The following SORCS1 variants were observed in gnomAD, a reference collection of about 807,000 sequenced individuals.
The protein encoded by SORCS1 is sortilin related VPS10 domain containing receptor 1, also known as VPS10 domain-containing receptor SorCS1.
A neutral mutation model predicts 146.1 loss-of-function variants in SORCS1; 60 were observed. The ratio of observed to expected loss-of-function variants is 0.41; its 90% CI spans 0.33 to 0.51. The LOEUF is 0.51. SORCS1 is among the 20% of genes least tolerant of loss of function. SORCS1 has a pLI of 0.21. For synonymous variants in SORCS1, 637 were observed against 584.0 expected (o/e 1.09, Z -1.31); for missense variants, 1,352 against 1,487.6 (o/e 0.91, Z 1.50).
intron 2 of SORCS1, among the ~76,000 whole-genome samples, chr10:106,858,525 G>A (rs1949878052): frequency 1.4e-5 from 2 of 146,048 alleles, no homozygotes; most frequent in African/African-American, 5.0e-5. Flanking sequence ...GGAGAATGGT[G>A]TGAACCCAGG....
At chr10:107,024,254 C>T (rs1330632868) in intron 1 of SORCS1, among the ~76,000 whole-genome samples, 3 of 151,658 alleles carry the variant, frequency 2.0e-5, no homozygotes, top group Non-Finnish European at 4.4e-5. Flanking sequence ...ATGGCACCAG[C>T]ACCTTCTTCT....
At chr10:106,838,544 G>A (rs1033291539) in intron 2 of SORCS1, among the ~76,000 whole-genome samples, 9 of 152,156 alleles carry the variant, frequency 5.9e-5, no homozygotes, top group African/African-American at 1.9e-4. Flanking sequence ...TGACATCATA[G>A]AGAATAGTTT....
intron 2 of SORCS1, among the ~76,000 whole-genome samples, chr10:106,942,060 T>C (rs1030900044): frequency 6.6e-6 from 1 of 152,152 alleles, no homozygotes; most frequent in Non-Finnish European, 1.5e-5. Context: ...AGCAGTGCCT[T>C]CTCCTAGAGA....
At chr10:106,617,125 T>C (rs1351715360) in intron 21 of SORCS1, among the ~76,000 whole-genome samples, 1 of 151,984 alleles carries the variant, frequency 6.6e-6, no homozygotes. Context: ...TGGCTAAATT[T>C]TATATTTTTA....
In SORCS1 at chr10:106,918,317, C is replaced by T. The variant is rs189953485; in HGVS notation, c.626+38196G>A. ...CTGGGAATACAGGTGCCTGCCACCA[C>T]GCCTGGCTAATTTTTTTGTATTTTT... On this transcript the variant is annotated intron_variant, in intron 2 of 25. Transcript: ENST00000263054. Among the ~76,000 whole-genome samples, 48 of 152,156 alleles carry T rather than the reference C, an allele frequency of 3.2e-4. No homozygotes were observed. In the East Asian group the frequency reaches 7.0e-3, roughly 22 times the overall value.
chr10:107,034,882 T>G (rs1289138794), intron 1 of SORCS1, among the ~76,000 whole-genome samples: 1 of 151,746 alleles, frequency 6.6e-6, no homozygotes, highest in Non-Finnish European at 1.5e-5. Flanking sequence ...CGTAATCAAA[T>G]ATAAAATAAT....
At chr10:106,769,480 G>A (rs1169451770) in intron 4 of SORCS1, among the ~76,000 whole-genome samples, 16 of 119,422 alleles carry the variant, frequency 1.3e-4, no homozygotes, top group African/African-American at 2.9e-4. Flanking sequence ...GCTAGACTCC[G>A]TCTCAAAAAA....
intron 3 of SORCS1, among the ~76,000 whole-genome samples, chr10:106,802,643 C>T (rs1356660050): frequency 6.6e-6 from 1 of 152,150 alleles, no homozygotes; most frequent in African/African-American, 2.4e-5. Context: ...GGATTACAGG[C>T]ATGCCCCACC....
chr10:107,126,157 C>T (rs1487101474), intron 1 of SORCS1, among the ~76,000 whole-genome samples: 1 of 152,116 alleles, frequency 6.6e-6, no homozygotes, highest in South Asian at 2.1e-4. Context: ...GACAATAATC[C>T]TTTTCATTTT....
chr10:106,624,110 C>T (rs963212707), intron 19 of SORCS1, among the ~76,000 whole-genome samples: 3 of 152,002 alleles, frequency 2.0e-5, no homozygotes, highest in African/African-American at 2.4e-5. Flanking sequence ...AAGCAGAAGT[C>T]GGTGACAGAG....
Position 107,133,038 on chromosome 10 carries a change from TA to T in SORCS1, c.558+30930del, listed in dbSNP as rs573490318. On this transcript the variant is annotated intron_variant, in intron 1 of 25. Coordinates refer to ENST00000263054, the MANE Select transcript of SORCS1 (RefSeq NM_052918.5). ...CCCGCTGAAGGTTCAGCCTCTGGAA[TA>T]AACTAGACAGGAGAAAAGACGTACA... Among the ~76,000 whole-genome samples, 5 of 152,260 alleles carry T rather than the reference TA, an allele frequency of 3.3e-5. No individual in the cohort carries two copies. In the South Asian group the frequency reaches 1.0e-3, roughly 32 times the overall value.
At chr10:107,003,206 G>A (rs944489647) in intron 1 of SORCS1, among the ~76,000 whole-genome samples, 12 of 151,806 alleles carry the variant, frequency 7.9e-5, no homozygotes, top group African/African-American at 2.9e-4. Flanking sequence ...AGTGAGCTGA[G>A]ATCACACCAC....
rs781287974 is a variant in SORCS1 at position 106,612,050 on chromosome 10, C to T, written c.2921-27G>A. The T allele has an allele frequency of 1.9e-6, 3 of 1,548,510 alleles. No homozygotes were observed. The Admixed American group carries it at 5.0e-5, about 26-fold the overall frequency. On this transcript the variant is annotated intron_variant, in intron 21 of 25. Coordinates refer to ENST00000263054, the MANE Select transcript of SORCS1 (RefSeq NM_052918.5). ...TGGGGATATAACAGTAGATGGAGTA[C>T]TATAAGTCAAATAGTCCTGTCAAGA...
rs376778551 is a variant in SORCS1, at chr10:106,956,493, A to G, written c.626+20T>C. The G allele has an allele frequency of 5.9e-5, 95 of 1,610,122 alleles. No homozygotes were observed. In the African/African-American group the frequency reaches 1.2e-3, roughly 20 times the overall value. ...ATGCTTAAATAACACGGTAATTATTAGCTCCATTTATCTACATACCTCCAA... is the reference window on the plus strand; with the variant it reads ...ATGCTTAAATAACACGGTAATTATTGGCTCCATTTATCTACATACCTCCAA... On this transcript the variant is annotated intron_variant, in intron 2 of 25. Coordinates refer to ENST00000263054, the MANE Select transcript of SORCS1 (RefSeq NM_052918.5).
At chr10:106,864,445 C>G (rs1386214541) in intron 2 of SORCS1, among the ~76,000 whole-genome samples, 1 of 152,140 alleles carries the variant, frequency 6.6e-6, no homozygotes, top group Non-Finnish European at 1.5e-5. Flanking sequence ...ACACACAGAG[C>G]TAAGTGGGGG....
intron 1 of SORCS1, among the ~76,000 whole-genome samples, chr10:107,120,025 G>A (rs1590181745): frequency 6.6e-6 from 1 of 151,978 alleles, no homozygotes; most frequent in East Asian, 1.9e-4. Flanking sequence ...TCTTTTCAGA[G>A]CACAAAGCAC....
intron 3 of SORCS1, among the ~76,000 whole-genome samples, chr10:106,821,761 A>C (rs540030926): frequency 1.6e-4 from 25 of 152,102 alleles, no homozygotes; most frequent in African/African-American, 5.8e-4. Flanking sequence ...CTCTACTAAA[A>C]ATACAAAAAA....
intron 6 of SORCS1, among the ~76,000 whole-genome samples, chr10:106,713,627 T>C (rs924977756): frequency 2.0e-5 from 3 of 152,376 alleles, no homozygotes; most frequent in Admixed American, 2.0e-4. Flanking sequence ...ATAGCACGTT[T>C]AGTCTTCACA....
At chr10:106,887,362 G>C (rs1239749256) in intron 2 of SORCS1, among the ~76,000 whole-genome samples, 1 of 152,058 alleles carries the variant, frequency 6.6e-6, no homozygotes, top group Non-Finnish European at 1.5e-5. Context: ...AAATCAAGAT[G>C]GCAAAATCAT....
Sources: allele counts gnomAD v4.1 joint callset (sites outside exome capture counted in the v4.1 genomes callset), GRCh38; gene constraint gnomAD v4.1.1; transcripts MANE v1.5; gene names NCBI Gene and HGNC (gene_info 2026-07-23, HGNC 2026-07-21).